AK9: variants seen among roughly 807,000 people sequenced by gnomAD.
The protein encoded by AK9 is adenylate kinase 9.
AK9 carries 191 observed loss-of-function variants against 239.6 expected under a neutral mutation model. The observed-to-expected ratio is 0.80, with a 90% CI of 0.71 to 0.90. AK9 has a LOEUF of 0.90. Among genes scored for constraint, AK9 ranks in the 40% least tolerant of loss-of-function variants. The pLI, the probability that AK9 is intolerant of heterozygous loss-of-function variation, is 0.00. For synonymous variants in AK9, 689 were observed against 721.0 expected (o/e 0.96, Z 0.71); for missense variants, 1,995 against 2,214.7 (o/e 0.90, Z 1.99).
At chr6:109,533,700 CTT>C in intron 27 of AK9, among the ~76,000 whole-genome samples, 1 of 151,926 alleles carries the variant, frequency 6.6e-6, no homozygotes, top group African/African-American at 2.4e-5. Context: ...AAAATTTACT[CTT>C]TTATTTCTTT....
Position 109,666,957 on chromosome 6 carries a change from C to T in AK9, c.332-4294G>A, listed in dbSNP as rs772986136. On this transcript the variant is annotated intron_variant, in intron 5 of 40. Coordinates refer to ENST00000424296, the MANE Select transcript of AK9 (RefSeq NM_001145128.3). ...GGGGCTATTCATTCACTGGGGAAAA[C>T]GAGATTTTCCAGAATCTAGAAGCAG... 7.2e-5 allele frequency among the ~76,000 whole-genome samples: 11 copies of T among 152,174 alleles called. No individual in the cohort carries two copies. In the East Asian group the frequency reaches 7.7e-4, roughly 11 times the overall value.
Position 109,671,657 on chromosome 6 carries a change from C to A in AK9, c.331+262G>T, listed in dbSNP as rs944315438. 3.7e-4 allele frequency among the ~76,000 whole-genome samples: 57 copies of A among 152,174 alleles called. 1 individual carries two copies. Among genetic ancestry groups the A allele is most frequent in the African/African-American group, 1.3e-3 (55 of 41,432 alleles). ...GAGTTAGCAGTACTGCAAGATGGAC[C>A]ACAGCAGATTTCTGATGCTTTTACT... On this transcript the variant is annotated intron_variant, in intron 5 of 40. Transcript: ENST00000424296.
intron 17 of AK9, among the ~76,000 whole-genome samples, chr6:109,595,000 T>G (rs1214344522): frequency 6.6e-6 from 1 of 152,108 alleles, no homozygotes; most frequent in Non-Finnish European, 1.5e-5. Context: ...AAAGCCAAAA[T>G]TGACAAATGG....
At chr6:109,614,575 G>T in intron 13 of AK9, 95 bp from the exon 14 acceptor site, 1 of 977,994 alleles carries the variant, frequency 1.0e-6, no homozygotes. Flanking sequence ...GTTAGACACA[G>T]TTGAGTTTCA....
At chr6:109,514,777 G>A (rs1779103393) in intron 31 of AK9, among the ~76,000 whole-genome samples, 1 of 152,142 alleles carries the variant, frequency 6.6e-6, no homozygotes, top group Admixed American at 6.5e-5. Context: ...TCCTCACAAA[G>A]AGGTCCATTC....
chr6:109,625,676 AC>A (rs1795441651), intron 12 of AK9, among the ~76,000 whole-genome samples: 1 of 152,062 alleles, frequency 6.6e-6, no homozygotes, highest in South Asian at 2.1e-4. Context: ...ACCATCCTCC[AC>A]CCCCACAACC....
At chr6:109,516,782 G>T in intron 29 of AK9, 140 bp from the exon 30 acceptor site, 1 of 732,866 alleles carries the variant, frequency 1.4e-6, no homozygotes. Context: ...AACGCAATAA[G>T]GTTTTAAATA....
At chr6:109,661,027 G>A (rs906641718) in intron 6 of AK9, 13 of 466,038 alleles carry the variant, frequency 2.8e-5, no homozygotes, top group Non-Finnish European at 5.5e-5. Flanking sequence ...ATAATTTCAA[G>A]AGGTTCATGA....
At chr6:109,507,836 C>G (rs1224447857) in intron 33 of AK9, among the ~76,000 whole-genome samples, 7 of 152,220 alleles carry the variant, frequency 4.6e-5, no homozygotes, top group Admixed American at 4.6e-4. Context: ...GAGTATGTGC[C>G]TGTAACAATA....
chr6:109,552,678 C>A (rs1784507149), intron 24 of AK9, among the ~76,000 whole-genome samples: 1 of 152,182 alleles, frequency 6.6e-6, no homozygotes, highest in South Asian at 2.1e-4. Flanking sequence ...ATGATAGTTT[C>A]TTTTGCTGTG....
chr6:109,500,072 C>CAA (rs1777457379), intron 35 of AK9, among the ~76,000 whole-genome samples: 2 of 149,786 alleles, frequency 1.3e-5, no homozygotes, highest in Non-Finnish European at 3.0e-5. Flanking sequence ...CACACACACA[C>CAA]AATTTATACC....
intron 17 of AK9, among the ~76,000 whole-genome samples, chr6:109,606,350 A>G (rs1792880470): frequency 6.6e-6 from 1 of 152,122 alleles, no homozygotes; most frequent in Non-Finnish European, 1.5e-5. Flanking sequence ...ACCCAGAGAG[A>G]TGTAGGAGGC....
intron 17 of AK9, among the ~76,000 whole-genome samples, chr6:109,600,761 T>C (rs1193547484): frequency 1.3e-5 from 2 of 152,204 alleles, no homozygotes; most frequent in Non-Finnish European, 2.9e-5. Context: ...TCAGAGCCTG[T>C]TATTGGTCTA....
chr6:109,608,165 C>T (rs928778222), intron 17 of AK9, among the ~76,000 whole-genome samples: 1 of 151,442 alleles, frequency 6.6e-6, no homozygotes, highest in Admixed American at 6.6e-5. Flanking sequence ...TGCAGTCCCA[C>T]GTACTCAGGA....
At chr6:109,601,723 T>C (rs1376554280) in intron 17 of AK9, among the ~76,000 whole-genome samples, 1 of 152,208 alleles carries the variant, frequency 6.6e-6, no homozygotes, top group Non-Finnish European at 1.5e-5. Flanking sequence ...TAAGTCTCTT[T>C]GTAGGTCTCT....
chr6:109,679,708 C>G (rs1190486037), intron 1 of AK9, among the ~76,000 whole-genome samples: 3 of 152,122 alleles, frequency 2.0e-5, no homozygotes, highest in Non-Finnish European at 4.4e-5. Context: ...AGGAGAGCTC[C>G]CGCTGGCATC....
intron 29 of AK9, 56 bp from the exon 30 acceptor site, chr6:109,516,698 C>G (rs1311361406): frequency 3.6e-6 from 5 of 1,401,168 alleles, no homozygotes; most frequent in Non-Finnish European, 4.9e-6. Context: ...ACAAAAGACA[C>G]TATTAACAAA....
At chr6:109,598,045 G>C (rs1239772394) in intron 17 of AK9, among the ~76,000 whole-genome samples, 1 of 151,712 alleles carries the variant, frequency 6.6e-6, no homozygotes, top group Non-Finnish European at 1.5e-5. Flanking sequence ...CTTGTCCTTT[G>C]TCTTAAATTT....
At chr6:109,591,083 G>A (rs1174350302) in intron 17 of AK9, among the ~76,000 whole-genome samples, 2 of 152,102 alleles carry the variant, frequency 1.3e-5, no homozygotes, top group Non-Finnish European at 2.9e-5. Flanking sequence ...TTGATTTTCT[G>A]CCTTAATGAT....
Sources: allele counts gnomAD v4.1 joint callset (sites outside exome capture counted in the v4.1 genomes callset), GRCh38; gene constraint gnomAD v4.1.1; transcripts MANE v1.5; gene names NCBI Gene and HGNC (gene_info 2026-07-23, HGNC 2026-07-21).